The following RIMS1 variants were observed in gnomAD, a reference collection of about 807,000 sequenced individuals.
RIMS1 encodes regulating synaptic membrane exocytosis 1, also known as regulating synaptic membrane exocytosis protein 1.
In RIMS1, 83 loss-of-function variants were observed where a neutral mutation model predicts 214.1. The ratio of observed to expected loss-of-function variants is 0.39; its 90% CI spans 0.32 to 0.47. The LOEUF (loss-of-function observed/expected upper bound fraction) is 0.47, where lower values mean the gene tolerates loss of function less well. Among genes scored for constraint, RIMS1 ranks in the 20% least tolerant of loss-of-function variants. RIMS1 has a pLI of 0.99. For missense variants in RIMS1, 2,050 were observed against 2,161.8 expected (o/e 0.95, Z 1.03); for synonymous variants, 793 against 786.8 (o/e 1.01, Z -0.13).
chr6:72,038,677 G>A lies in RIMS1; in HGVS notation c.246-58272G>A, dbSNP rs116408579. Among the ~76,000 whole-genome samples the A allele has an allele frequency of 7.3e-3, 1,113 of 152,232 alleles. 11 individuals are homozygous for A. Among genetic ancestry groups the A allele is most frequent in the African/African-American group, 0.024 (993 of 41,552 alleles). ...TCAATGGTTGTGTGGTGAAAGTAGC[G>A]TCAGTAACAGATAGCCCCAACTGCA... On this transcript the variant is annotated intron_variant, in intron 2 of 33. Transcript: ENST00000521978.
In RIMS1 at chr6:72,379,457, G is replaced by A. The variant is rs117774652; in HGVS notation, c.4367-11141G>A. ...AAATGGTGAGAATGAATAGATATTG[G>A]GGGCACATGTAATTATCTGTGACAT... On this transcript the variant is annotated intron_variant, in intron 29 of 33. Transcript: ENST00000521978. 7.9e-3 allele frequency among the ~76,000 whole-genome samples: 1,207 copies of A among 152,314 alleles called. 6 individuals are homozygous for A. Among genetic ancestry groups the A allele is most frequent in the Non-Finnish European group, 0.012 (821 of 68,022 alleles).
rs568703819 is a variant in RIMS1, at chr6:72,073,352, G to A, written c.246-23597G>A. Among the ~76,000 whole-genome samples, 430 of 152,144 alleles carry A rather than the reference G, an allele frequency of 2.8e-3. 2 individuals are homozygous for A. Among genetic ancestry groups the A allele is most frequent in the Non-Finnish European group, 5.5e-3 (374 of 67,988 alleles). ...GCCAGAGCTAAACACTTATCTCAAC[G>A]AAATCAGAACAAATACTTGAAGGTT... On this transcript the variant is annotated intron_variant, in intron 2 of 33. Transcript: ENST00000521978.
intron 2 of RIMS1, among the ~76,000 whole-genome samples, chr6:72,011,117 G>T (rs1260523821): frequency 1.3e-5 from 2 of 152,134 alleles, no homozygotes; most frequent in African/African-American, 4.8e-5. Context: ...CATGGTACTG[G>T]TACCAAAACA....
At chr6:71,988,313 C>T (rs995031647) in intron 2 of RIMS1, among the ~76,000 whole-genome samples, 3 of 152,160 alleles carry the variant, frequency 2.0e-5, no homozygotes, top group African/African-American at 7.2e-5. Context: ...CTTGTTGTTT[C>T]CTATTGCCAT....
intron 16 of RIMS1, among the ~76,000 whole-genome samples, chr6:72,255,324 C>A (rs1211095132): frequency 1.3e-5 from 2 of 152,156 alleles, no homozygotes; most frequent in Admixed American, 6.6e-5. Flanking sequence ...TGGAAGTCGT[C>A]TTCTATATAT....
intron 11 of RIMS1, among the ~76,000 whole-genome samples, chr6:72,246,436 A>G (rs532870376): frequency 6.6e-6 from 1 of 152,320 alleles, no homozygotes; most frequent in East Asian, 1.9e-4. Context: ...GTGCAATAAA[A>G]TATAGACAAT....
At chr6:72,288,717 T>C (rs910773083) in intron 24 of RIMS1, among the ~76,000 whole-genome samples, 1 of 152,178 alleles carries the variant, frequency 6.6e-6, no homozygotes, top group Non-Finnish European at 1.5e-5. Flanking sequence ...GCTCTGCATT[T>C]TTCCTCTACC....
At chr6:72,333,471 T>G (rs767674448) in intron 28 of RIMS1, 129 bp from the exon 29 acceptor site, 22 of 681,802 alleles carry the variant, frequency 3.2e-5, no homozygotes, top group Non-Finnish European at 5.4e-5. Context: ...TAGGTATAGA[T>G]CCACTACTCA....
chr6:72,255,372 T>C (rs1243116012), intron 16 of RIMS1, among the ~76,000 whole-genome samples: 1 of 152,194 alleles, frequency 6.6e-6, no homozygotes, highest in Non-Finnish European at 1.5e-5. Flanking sequence ...TTGTTTATTA[T>C]CTAGAGAAGC....
intron 1 of RIMS1, among the ~76,000 whole-genome samples, chr6:71,953,903 A>G (rs528286168): frequency 2.0e-5 from 3 of 152,348 alleles, no homozygotes; most frequent in East Asian, 3.9e-4. Flanking sequence ...AACAGACTGA[A>G]TTAAAGGACT....
At chr6:72,084,496 G>A (rs1424802055) in intron 2 of RIMS1, among the ~76,000 whole-genome samples, 1 of 152,136 alleles carries the variant, frequency 6.6e-6, no homozygotes, top group African/African-American at 2.4e-5. Flanking sequence ...TTAGAAAGCA[G>A]TAATATTGTT....
intron 1 of RIMS1, among the ~76,000 whole-genome samples, chr6:71,912,691 T>C (rs543821221): frequency 2.6e-5 from 4 of 152,248 alleles, no homozygotes; most frequent in African/African-American, 9.6e-5. Context: ...ACCTTAGAAA[T>C]GAACACAAGC....
chr6:71,908,382 C>G (rs1775889837), intron 1 of RIMS1, among the ~76,000 whole-genome samples: 1 of 152,146 alleles, frequency 6.6e-6, no homozygotes, highest in African/African-American at 2.4e-5. Flanking sequence ...CCTTAGGGCT[C>G]TCTCCTGCTG....
chr6:72,330,094 G>T (rs1314268193), intron 28 of RIMS1, among the ~76,000 whole-genome samples: 1 of 151,758 alleles, frequency 6.6e-6, no homozygotes, highest in African/African-American at 2.4e-5. Flanking sequence ...GATAAAAGAG[G>T]ATCAAGGTCC....
At chr6:71,892,663 A>G (rs193133131) in intron 1 of RIMS1, among the ~76,000 whole-genome samples, 13 of 152,226 alleles carry the variant, frequency 8.5e-5, no homozygotes, top group African/African-American at 2.9e-4. Flanking sequence ...TTTGTTTGCC[A>G]CTATTGTTCT....
At chr6:72,030,632 A>C (rs1817820429) in intron 2 of RIMS1, among the ~76,000 whole-genome samples, 1 of 152,096 alleles carries the variant, frequency 6.6e-6, no homozygotes, top group Non-Finnish European at 1.5e-5. Context: ...AATAAACTTG[A>C]GATTTAGTTT....
chr6:71,934,755 A>G (rs1562227001), intron 1 of RIMS1, among the ~76,000 whole-genome samples: 1 of 152,206 alleles, frequency 6.6e-6, no homozygotes, highest in Non-Finnish European at 1.5e-5. Flanking sequence ...TAACTCTCAA[A>G]TGACACCAAA....
At chr6:72,337,356 A>C (rs1472669017) in intron 29 of RIMS1, among the ~76,000 whole-genome samples, 2 of 151,782 alleles carry the variant, frequency 1.3e-5, no homozygotes, top group Non-Finnish European at 2.9e-5. Flanking sequence ...GGTTCTACAA[A>C]TCTGTGCAAA....
In RIMS1 at chr6:72,401,787, A is replaced by C. The variant is rs1359445679; in HGVS notation, c.*1073A>C. The C allele has an allele frequency of 6.6e-6, 1 of 152,664 alleles. No homozygotes were observed. Among genetic ancestry groups the C allele is most frequent in the Non-Finnish European group, 1.5e-5 (1 of 68,036 alleles). 9.5% of individuals were successfully genotyped at this position (152,664 alleles called of 1,614,324 possible). ...AGACACATCCATCTGCCCTGGAAAG[A>C]GCATGGTATGAGCTGTTCAATATTC... is the stretch of plus-strand genomic sequence containing the variant. On this transcript the variant is annotated 3_prime_UTR_variant, in exon 34 of 34. Transcript: ENST00000521978.
Sources: gnomAD v4.1 joint callset for allele counts (sites outside exome capture counted in the v4.1 genomes callset) on GRCh38, gnomAD v4.1.1 for gene constraint, MANE v1.5 for transcripts, NCBI Gene and HGNC (gene_info 2026-07-23, HGNC 2026-07-21) for gene names.